Variants in F13A1 observed in about 807,000 individuals in gnomAD.
The protein encoded by F13A1 is FSF, A subunit.
In F13A1, 47 loss-of-function variants were observed where a neutral mutation model predicts 80.1. The observed-to-expected ratio is 0.59, with a 90% confidence interval of 0.46 to 0.75. The LOEUF is 0.75. F13A1 is among the 30% of genes least tolerant of loss of function. The pLI, the probability that F13A1 is intolerant of heterozygous loss-of-function variation, is 0.00. For missense variants in F13A1, 817 were observed against 930.4 expected (o/e 0.88, Z 1.59); for synonymous variants, 349 against 344.9 (o/e 1.01, Z -0.13).
At chr6:6,301,173 G>A (rs1361754206) in intron 3 of F13A1, among the ~76,000 whole-genome samples, 1 of 152,136 alleles carries the variant, frequency 6.6e-6, no homozygotes, top group African/African-American at 2.4e-5. Flanking sequence ...TGAATTTTAA[G>A]AGAATTATTT....
chr6:6,241,886 G>A (rs182730028), intron 6 of F13A1, among the ~76,000 whole-genome samples: 1 of 152,030 alleles, frequency 6.6e-6, no homozygotes, highest in African/African-American at 2.4e-5. Context: ...TATAATTAAG[G>A]TTTGTTGCAT....
chr6:6,251,037 A>C, intron 4 of F13A1, 108 bp from the exon 5 acceptor site: 1 of 877,682 alleles, frequency 1.1e-6, no homozygotes. Flanking sequence ...AATCAGCCAA[A>C]TTTTTAAAAA....
chr6:6,273,396 C>G (rs537463552), intron 3 of F13A1, among the ~76,000 whole-genome samples: 5 of 152,172 alleles, frequency 3.3e-5, no homozygotes, highest in African/African-American at 1.2e-4. Context: ...ATGCCCACAG[C>G]AATCTGGGTG....
intron 2 of F13A1, among the ~76,000 whole-genome samples, chr6:6,314,426 T>C (rs1758651582): frequency 6.6e-6 from 1 of 152,148 alleles, no homozygotes; most frequent in South Asian, 2.1e-4. Context: ...CAGGCTTATA[T>C]CTTCTCTTTC....
intron 4 of F13A1, among the ~76,000 whole-genome samples, chr6:6,264,460 A>C (rs1053344187): frequency 6.6e-6 from 1 of 152,174 alleles, no homozygotes; most frequent in Non-Finnish European, 1.5e-5. Flanking sequence ...TGCTTCCTAC[A>C]TACTCTTCCA....
At chr6:6,236,099 T>A (rs1757409861) in intron 6 of F13A1, among the ~76,000 whole-genome samples, 1 of 152,060 alleles carries the variant, frequency 6.6e-6, no homozygotes. Flanking sequence ...AAAACACAAA[T>A]CAATGTATAA....
At chr6:6,270,135 T>C (rs1213464047) in intron 3 of F13A1, among the ~76,000 whole-genome samples, 3 of 152,228 alleles carry the variant, frequency 2.0e-5, no homozygotes, top group Admixed American at 6.5e-5. Flanking sequence ...AGAGTCCCTA[T>C]GGTCTGCAAC....
intron 13 of F13A1, among the ~76,000 whole-genome samples, chr6:6,164,043 A>C (rs1760620966): frequency 6.6e-6 from 1 of 152,052 alleles, no homozygotes; most frequent in Non-Finnish European, 1.5e-5. Flanking sequence ...GGTGGCTTTG[A>C]TTTGCATTTC....
chr6:6,199,677 T>C (rs1397284343), intron 8 of F13A1, among the ~76,000 whole-genome samples: 2 of 152,150 alleles, frequency 1.3e-5, no homozygotes, highest in African/African-American at 2.4e-5. Context: ...TCCTTTGATA[T>C]CAAATTAAAC....
intron 2 of F13A1, among the ~76,000 whole-genome samples, chr6:6,312,467 G>C (rs74616929): frequency 0.58 from 40,426 of 69,678 alleles, 13,020 homozygotes; most frequent in East Asian, 0.77. Context: ...GTCAAGAGAT[G>C]GAGACCATCT....
chr6:6,306,476 A>G (rs1758514227), intron 2 of F13A1, among the ~76,000 whole-genome samples: 2 of 152,344 alleles, frequency 1.3e-5, no homozygotes, highest in African/African-American at 2.4e-5. Flanking sequence ...GTATGCAAGC[A>G]TTTAGCAAAG....
intron 7 of F13A1, among the ~76,000 whole-genome samples, chr6:6,223,715 TA>T (rs1757233362): frequency 6.6e-6 from 1 of 152,148 alleles, no homozygotes; most frequent in Non-Finnish European, 1.5e-5. Context: ...CACCAAGTCT[TA>T]GACTGTTGAG....
chr6:6,209,946 C>T (rs751326361), intron 8 of F13A1, among the ~76,000 whole-genome samples: 4 of 152,040 alleles, frequency 2.6e-5, no homozygotes, highest in African/African-American at 4.8e-5. Flanking sequence ...CTAAAAATGG[C>T]CTAGTGCCGT....
chr6:6,271,238 T>A (rs1225105668), intron 3 of F13A1, among the ~76,000 whole-genome samples: 1 of 152,224 alleles, frequency 6.6e-6, no homozygotes, highest in Non-Finnish European at 1.5e-5. Context: ...AATGTAATGA[T>A]TTCAGTGACA....
At chr6:6,316,077 G>GCATATA (rs1758676020) in intron 2 of F13A1, among the ~76,000 whole-genome samples, 1 of 49,656 alleles carries the variant, frequency 2.0e-5, no homozygotes, top group African/African-American at 6.9e-5. Context: ...ATGTGTGTGT[G>GCATATA]CATATATATA....
At chr6:6,230,687 ATTGT>A (rs1306338331) in intron 6 of F13A1, among the ~76,000 whole-genome samples, 1 of 152,176 alleles carries the variant, frequency 6.6e-6, no homozygotes, top group East Asian at 1.9e-4. Context: ...AACAGTGTCC[ATTGT>A]ACCCCCTGCC....
intron 8 of F13A1, chr6:6,206,630 G>C (rs533282412): frequency 4.1e-6 from 2 of 483,240 alleles, no homozygotes; most frequent in Non-Finnish European, 4.3e-6. Flanking sequence ...AGAGTGTAGG[G>C]CAGTGATTTC....
In F13A1 at chr6:6,248,367, A is replaced by G. The variant is rs577966272; in HGVS notation, c.743T>C (p.Met248Thr). The change falls in exon 6 of 15, where the codon ATG becomes ACG. Residue 248 changes from methionine (M) to threonine (T), a missense_variant. Met to Thr is a moderately conservative substitution (Grantham distance 81). Transcript: ENST00000264870. Reference sequence around the variant, plus strand: ...GGGATTCCCTCTTCCAGAGAGGTCCATTTGTGCTCTGTCCATCACATACAG... The same window carrying G: ...GGGATTCCCTCTTCCAGAGAGGTCCGTTTGTGCTCTGTCCATCACATACAG... ...TCLYVMDRAQMDLSGRGNPIK... is the reference protein window; with the variant it reads ...TCLYVMDRAQTDLSGRGNPIK... 19 of 1,613,922 alleles carry G rather than the reference A, an allele frequency of 1.2e-5. No individual in the cohort carries two copies. In the Admixed American group the frequency reaches 3.2e-4, roughly 27 times the overall value.
At chr6:6,279,783 T>G (rs1417242887) in intron 3 of F13A1, among the ~76,000 whole-genome samples, 1 of 152,168 alleles carries the variant, frequency 6.6e-6, no homozygotes, top group Non-Finnish European at 1.5e-5. Flanking sequence ...AAAGGCTCAT[T>G]TCGTTAAAAT....
Sources: allele counts gnomAD v4.1 joint callset (sites outside exome capture counted in the v4.1 genomes callset), GRCh38; gene constraint gnomAD v4.1.1; transcripts MANE v1.5; gene names NCBI Gene and HGNC (gene_info 2026-07-23, HGNC 2026-07-21).